Variants in ZBTB20 observed in about 807,000 individuals in gnomAD.
ZBTB20 encodes the protein zinc finger and BTB domain-containing protein 20.
Under a neutral mutation model 56.9 loss-of-function variants are expected in ZBTB20, and 9 were observed. That is an observed-to-expected ratio of 0.16 (90% CI 0.10 to 0.28). The LOEUF (loss-of-function observed/expected upper bound fraction) is 0.28, where lower values mean the gene tolerates loss of function less well. ZBTB20 is among the 10% of genes least tolerant of loss of function. The probability of loss-of-function intolerance (pLI) is 1.00; values close to 1 mark genes in which losing one functional copy is unlikely to be tolerated. For missense variants in ZBTB20, 655 were observed against 1,003.0 expected (o/e 0.65, Z 4.69); for synonymous variants, 417 against 420.7 (o/e 0.99, Z 0.11).
At chr3:114,901,729 C>T (rs903678214) in intron 3 of ZBTB20, among the ~76,000 whole-genome samples, 26 of 151,544 alleles carry the variant, frequency 1.7e-4, no homozygotes, top group African/African-American at 4.4e-4. Context: ...TTAAATTTTA[C>T]GGAAAAATGC....
chr3:115,013,486 A>G (rs1196656619), intron 2 of ZBTB20, among the ~76,000 whole-genome samples: 1 of 151,682 alleles, frequency 6.6e-6, no homozygotes, highest in Non-Finnish European at 1.5e-5. Flanking sequence ...AACCAGGAAC[A>G]TATCCAAAAC....
chr3:114,544,409 C>CTTTCTTTCT (rs1314918108), intron 6 of ZBTB20, among the ~76,000 whole-genome samples: 2 of 5,124 alleles, frequency 3.9e-4, no homozygotes, highest in African/African-American at 6.7e-4. Flanking sequence ...TAGATTTCTT[C>CTTTCTTTCT]TTTCTTTCTT....
intron 5 of ZBTB20, among the ~76,000 whole-genome samples, chr3:114,707,010 AACCC>A (rs2063760228): frequency 2.0e-5 from 3 of 152,180 alleles, no homozygotes; most frequent in African/African-American, 7.2e-5. Flanking sequence ...TCAAAGAGGA[AACCC>A]ACCCACATTC....
intron 3 of ZBTB20, among the ~76,000 whole-genome samples, chr3:114,952,354 A>G (rs796708148): frequency 3.3e-5 from 5 of 152,162 alleles, no homozygotes; most frequent in African/African-American, 7.2e-5. Context: ...CCATCATGAG[A>G]TCACCCTTGT....
chr3:114,483,379 A>C (rs1201080111), intron 7 of ZBTB20, among the ~76,000 whole-genome samples: 1 of 152,006 alleles, frequency 6.6e-6, no homozygotes, highest in East Asian at 1.9e-4. Context: ...ATGCGAACTT[A>C]TAAGGAGAGT....
intron 4 of ZBTB20, among the ~76,000 whole-genome samples, chr3:114,891,769 A>C (rs1310564721): frequency 6.6e-6 from 1 of 152,202 alleles, no homozygotes; most frequent in East Asian, 1.9e-4. Context: ...AAATCCAGCC[A>C]GGCGTGGTGG....
In ZBTB20 at chr3:114,329,243, GTTCACGCTGAGAAGTC is replaced by G; in HGVS notation, c.*9746_*9761del. 6.6e-6 allele frequency: 1 copy of G among 152,272 alleles called. No homozygotes were observed. Among genetic ancestry groups the G allele is most frequent in the Non-Finnish European group, 1.5e-5 (1 of 68,032 alleles). The allele number at this position is 152,272 out of a possible 1,614,324, so 9.4% of individuals were successfully genotyped here. A position where few individuals can be genotyped will look rare whatever the true frequency, so the allele number is the denominator to read the frequency against. On this transcript the variant is annotated 3_prime_UTR_variant, in exon 12 of 12. Transcript: ENST00000675478. ...AGATGAAAGGAAGGAATTCCCCAGT[GTTCACGCTGAGAAGTC>G]TTCATATTGGACCAGTGTGAGGGGG...
intron 3 of ZBTB20, among the ~76,000 whole-genome samples, chr3:114,928,848 T>C (rs1045834077): frequency 1.3e-5 from 2 of 152,212 alleles, no homozygotes; most frequent in African/African-American, 4.8e-5. Flanking sequence ...TATAAAAACT[T>C]CCACTTAGAA....
rs946171852 is a variant in ZBTB20, at chr3:114,326,072, A to T, written c.*12933T>A. On this transcript the variant is annotated 3_prime_UTR_variant, in exon 12 of 12. Coordinates refer to ENST00000675478, the MANE Select transcript of ZBTB20 (RefSeq NM_001348800.3). ...TGTTTCTCTACTTAAGACTTCATGA[A>T]CACATACAGTCTTGAAATGGCTAGA... 1 of 152,106 alleles carries T rather than the reference A, an allele frequency of 6.6e-6. No homozygotes were observed. The highest frequency in any genetic ancestry group is 2.4e-5 in the African/African-American group (1 of 41,410). 9.4% of individuals were successfully genotyped at this position (152,106 alleles called of 1,614,324 possible).
intron 6 of ZBTB20, among the ~76,000 whole-genome samples, chr3:114,565,608 T>C (rs2052623747): frequency 6.6e-6 from 1 of 152,182 alleles, no homozygotes; most frequent in African/African-American, 2.4e-5. Flanking sequence ...ACTAATTATA[T>C]AGTTATCAGG....
At chr3:114,686,674 T>C (rs1325197748) in intron 6 of ZBTB20, among the ~76,000 whole-genome samples, 1 of 152,182 alleles carries the variant, frequency 6.6e-6, no homozygotes, top group Non-Finnish European at 1.5e-5. Context: ...ACCTGTTTAT[T>C]CACACTGTCT....
intron 2 of ZBTB20, among the ~76,000 whole-genome samples, chr3:115,070,162 G>A (rs918433173): frequency 6.6e-6 from 1 of 152,048 alleles, no homozygotes; most frequent in Non-Finnish European, 1.5e-5. Context: ...AACTGAATGA[G>A]GGATCCTTCC....
chr3:114,962,388 T>C (rs979941835), intron 3 of ZBTB20, among the ~76,000 whole-genome samples: 8 of 152,090 alleles, frequency 5.3e-5, no homozygotes, highest in Admixed American at 6.5e-5. Flanking sequence ...GGTCCCTTAC[T>C]GGAAAGGAAA....
intron 4 of ZBTB20, among the ~76,000 whole-genome samples, chr3:114,897,341 C>T (rs888202321): frequency 2.0e-5 from 3 of 151,996 alleles, no homozygotes; most frequent in Non-Finnish European, 4.4e-5. Flanking sequence ...AGCAGACATC[C>T]ATTCACCATG....
At chr3:114,957,008 C>T (rs952761333) in intron 3 of ZBTB20, among the ~76,000 whole-genome samples, 1 of 152,156 alleles carries the variant, frequency 6.6e-6, no homozygotes, top group South Asian at 2.1e-4. Context: ...TCCCTTCCCT[C>T]ATTATCATGG....
intron 5 of ZBTB20, among the ~76,000 whole-genome samples, chr3:114,730,610 A>T (rs936280715): frequency 5.3e-5 from 8 of 152,224 alleles, no homozygotes; most frequent in Admixed American, 2.6e-4. Flanking sequence ...TCTTGAGCTC[A>T]CAAAGAAAAG....
intron 1 of ZBTB20, among the ~76,000 whole-genome samples, chr3:115,085,824 T>C (rs2082965461): frequency 6.6e-6 from 1 of 151,918 alleles, no homozygotes; most frequent in Non-Finnish European, 1.5e-5. Context: ...ATTTCCACAC[T>C]AGAAATTTTT....
chr3:114,663,985 C>G (rs1447911030), intron 6 of ZBTB20, among the ~76,000 whole-genome samples: 1 of 151,992 alleles, frequency 6.6e-6, no homozygotes, highest in Non-Finnish European at 1.5e-5. Context: ...ATCAACGAGA[C>G]AGGATTTTGC....
intron 2 of ZBTB20, among the ~76,000 whole-genome samples, chr3:115,013,556 T>C (rs1293481010): frequency 6.6e-6 from 1 of 151,398 alleles, no homozygotes; most frequent in African/African-American, 2.4e-5. Flanking sequence ...TCTTAGCAAA[T>C]AAAAGCCCAC....
Sources: gnomAD v4.1 joint callset for allele counts (sites outside exome capture counted in the v4.1 genomes callset) on GRCh38, gnomAD v4.1.1 for gene constraint, MANE v1.5 for transcripts, NCBI Gene and HGNC (gene_info 2026-07-23, HGNC 2026-07-21) for gene names.